ODAD2: variants seen among roughly 807,000 people sequenced by gnomAD.
ODAD2 encodes outer dynein arm-docking complex subunit 2.
Under a neutral mutation model 106.8 loss-of-function variants are expected in ODAD2, and 89 were observed. The ratio of observed to expected loss-of-function variants is 0.83; its 90% CI spans 0.70 to 0.99. The LOEUF (loss-of-function observed/expected upper bound fraction) is 0.99, where lower values mean the gene tolerates loss of function less well. Among genes scored for constraint, ODAD2 ranks in the 50% least tolerant of loss-of-function variants. The probability of loss-of-function intolerance (pLI) is 0.00; values close to 1 mark genes in which losing one functional copy is unlikely to be tolerated. For synonymous variants in ODAD2, 404 were observed against 436.2 expected (o/e 0.93, Z 0.92); for missense variants, 1,168 against 1,238.5 (o/e 0.94, Z 0.85).
chr10:27,860,327 C>G (rs967651956), intron 19 of ODAD2, among the ~76,000 whole-genome samples: 13 of 152,094 alleles, frequency 8.5e-5, no homozygotes, highest in African/African-American at 3.1e-4. Context: ...GTGGCATGCA[C>G]CTGTAGTCCT....
At chr10:27,931,508 C>A (rs73606006) in intron 16 of ODAD2, among the ~76,000 whole-genome samples, 10,379 of 151,764 alleles carry the variant, frequency 0.068, 1,128 homozygotes, top group African/African-American at 0.23. Context: ...TCAATCAGGT[C>A]CTTCAGGCTT....
intron 17 of ODAD2, among the ~76,000 whole-genome samples, chr10:27,868,998 A>G (rs113853496): frequency 0.013 from 1,997 of 152,148 alleles, 42 homozygotes; most frequent in African/African-American, 0.045. Flanking sequence ...TAGGAGCTAA[A>G]GGAAAATAAT....
intron 16 of ODAD2, among the ~76,000 whole-genome samples, chr10:27,930,099 A>T (rs993446258): frequency 3.3e-5 from 5 of 151,848 alleles, no homozygotes; most frequent in Non-Finnish European, 7.4e-5. Context: ...CCTATACATC[A>T]CATTCCTGAC....
At chr10:27,987,272 G>T in intron 3 of ODAD2, 114 bp downstream of exon 3, 1 of 927,358 alleles carries the variant, frequency 1.1e-6, no homozygotes, top group Non-Finnish European at 1.6e-6. Context: ...TTACCTTGTA[G>T]ATTGTAGAAT....
intron 19 of ODAD2, among the ~76,000 whole-genome samples, chr10:27,852,138 G>A (rs1248534525): frequency 6.6e-6 from 1 of 151,992 alleles, no homozygotes; most frequent in Non-Finnish European, 1.5e-5. Flanking sequence ...AGACCTGAAC[G>A]AATTTATCAT....
intron 17 of ODAD2, among the ~76,000 whole-genome samples, chr10:27,882,250 ATCTCATTCT>A (rs1386791054): frequency 6.6e-6 from 1 of 152,092 alleles, no homozygotes; most frequent in African/African-American, 2.4e-5. Context: ...GAACTCTCTG[ATCTCATTCT>A]CAATAAGATT....
At chr10:27,879,754 T>C (rs991559789) in intron 17 of ODAD2, among the ~76,000 whole-genome samples, 1 of 152,224 alleles carries the variant, frequency 6.6e-6, no homozygotes, top group South Asian at 2.1e-4. Flanking sequence ...ACTTGGTAGA[T>C]AAGAGTCTAC....
At chr10:27,991,009 A>T (rs1192515853) in intron 2 of ODAD2, among the ~76,000 whole-genome samples, 1 of 152,226 alleles carries the variant, frequency 6.6e-6, no homozygotes, top group African/African-American at 2.4e-5. Flanking sequence ...CTGAGCGCTT[A>T]TCCAATTTAT....
chr10:27,902,738 T>G (rs1564485042), intron 17 of ODAD2, among the ~76,000 whole-genome samples: 1 of 151,960 alleles, frequency 6.6e-6, no homozygotes, highest in Non-Finnish European at 1.5e-5. Context: ...CCCTCCCAAG[T>G]CTAAACCAGG....
chr10:27,935,584 A>G (rs1056576294), intron 15 of ODAD2, among the ~76,000 whole-genome samples: 1 of 152,096 alleles, frequency 6.6e-6, no homozygotes, highest in Admixed American at 6.6e-5. Context: ...CTAAATGTTT[A>G]ATAAAAATAA....
chr10:27,834,148 G>A (rs1242245679), intron 19 of ODAD2, among the ~76,000 whole-genome samples: 3 of 152,200 alleles, frequency 2.0e-5, no homozygotes, highest in Non-Finnish European at 2.9e-5. Flanking sequence ...TCCTATGAAT[G>A]CATTGATTTG....
At chr10:27,866,942 G>A (rs1179270464) in intron 17 of ODAD2, among the ~76,000 whole-genome samples, 2 of 152,064 alleles carry the variant, frequency 1.3e-5, no homozygotes, top group South Asian at 2.1e-4. Context: ...GATGTCAATA[G>A]TCTCATACAT....
chr10:27,946,306 G>T (rs1347292250), intron 10 of ODAD2, among the ~76,000 whole-genome samples: 1 of 150,950 alleles, frequency 6.6e-6, no homozygotes, highest in African/African-American at 2.4e-5. Flanking sequence ...CATACCAGCT[G>T]CCAAACTCCC....
intron 19 of ODAD2, among the ~76,000 whole-genome samples, chr10:27,854,535 C>T (rs1020010412): frequency 1.7e-4 from 26 of 152,126 alleles, no homozygotes; most frequent in African/African-American, 6.0e-4. Flanking sequence ...GTGGGCAGAT[C>T]ATTTGAGGTC....
At chr10:27,958,848 T>G (rs1356114847) in intron 10 of ODAD2, 1 of 1,303,674 alleles carries the variant, frequency 7.7e-7, no homozygotes, top group East Asian at 5.6e-5. Context: ...CCAAGGCCAT[T>G]GAGTAAGCGG....
chr10:27,938,695 G>A (rs1368530864), intron 14 of ODAD2, among the ~76,000 whole-genome samples: 1 of 151,584 alleles, frequency 6.6e-6, no homozygotes, highest in African/African-American at 2.4e-5. Flanking sequence ...CACCTCCCAG[G>A]TTCAAGTGAT....
intron 19 of ODAD2, among the ~76,000 whole-genome samples, chr10:27,842,801 G>T (rs1372564499): frequency 6.6e-6 from 1 of 152,034 alleles, no homozygotes; most frequent in Non-Finnish European, 1.5e-5. Context: ...GAAATCAATG[G>T]AGTAAAAATA....
At chr10:27,966,176 T>C (rs749436999) in intron 9 of ODAD2, among the ~76,000 whole-genome samples, 3 of 152,202 alleles carry the variant, frequency 2.0e-5, no homozygotes, top group Non-Finnish European at 4.4e-5. Flanking sequence ...TAAAACACTA[T>C]GATTATGCTC....
intron 9 of ODAD2, among the ~76,000 whole-genome samples, chr10:27,964,975 G>A (rs200159785): frequency 2.0e-5 from 3 of 152,192 alleles, no homozygotes; most frequent in East Asian, 3.8e-4. Context: ...GGGTACTTCT[G>A]GTGATAATTC....
Sources: gnomAD v4.1 joint callset for allele counts (sites outside exome capture counted in the v4.1 genomes callset) on GRCh38, gnomAD v4.1.1 for gene constraint, MANE v1.5 for transcripts, NCBI Gene and HGNC (gene_info 2026-07-23, HGNC 2026-07-21) for gene names.